Variants in GRM3 observed in about 807,000 individuals in gnomAD.
GRM3 encodes the protein glutamate metabotropic receptor 3, also known as metabotropic glutamate receptor 3.
GRM3 carries 26 observed loss-of-function variants against 70.5 expected under a neutral mutation model. The observed-to-expected ratio is 0.37, with a 90% CI of 0.27 to 0.51. The LOEUF is 0.51. GRM3 is among the 20% of genes least tolerant of loss of function. The probability of loss-of-function intolerance (pLI) is 0.93; values close to 1 mark genes in which losing one functional copy is unlikely to be tolerated. For missense variants in GRM3, 859 were observed against 1,123.8 expected (o/e 0.76, Z 3.37); for synonymous variants, 443 against 434.9 (o/e 1.02, Z -0.23).
At chr7:86,779,260 A>G (rs1050758421) in intron 2 of GRM3, among the ~76,000 whole-genome samples, 1 of 152,184 alleles carries the variant, frequency 6.6e-6, no homozygotes, top group African/African-American at 2.4e-5. Context: ...GTCTAAATCA[A>G]TTCCTTGTCT....
chr7:86,685,532 T>A (rs1275086890), intron 1 of GRM3, among the ~76,000 whole-genome samples: 1 of 152,186 alleles, frequency 6.6e-6, no homozygotes, highest in Non-Finnish European at 1.5e-5. Context: ...TGATGTCACC[T>A]TAGTGTCAGA....
chr7:86,753,297 A>G (rs1226995194), intron 1 of GRM3, among the ~76,000 whole-genome samples: 3 of 152,184 alleles, frequency 2.0e-5, no homozygotes, highest in Non-Finnish European at 4.4e-5. Flanking sequence ...CTAAAAAAAC[A>G]TGAAATAGGT....
intron 1 of GRM3, among the ~76,000 whole-genome samples, chr7:86,685,618 A>G (rs1013953207): frequency 6.6e-6 from 1 of 152,172 alleles, no homozygotes; most frequent in Non-Finnish European, 1.5e-5. Context: ...ATAAAGGTAT[A>G]AATGGGGGCC....
At chr7:86,672,066 C>A (rs1051287961) in intron 1 of GRM3, among the ~76,000 whole-genome samples, 1 of 152,126 alleles carries the variant, frequency 6.6e-6, no homozygotes, top group African/African-American at 2.4e-5. Context: ...TTTTTTTCCA[C>A]TCCTGGATAA....
At chr7:86,646,073 A>G (rs1793465863) in intron 1 of GRM3, among the ~76,000 whole-genome samples, 1 of 148,766 alleles carries the variant, frequency 6.7e-6, no homozygotes, top group Non-Finnish European at 1.5e-5. Flanking sequence ...ACACTTTAAG[A>G]TTCCTCTCTG....
chr7:86,710,206 G>A (rs931251127), intron 1 of GRM3: 1 of 151,892 alleles, frequency 6.6e-6, no homozygotes, highest in Admixed American at 6.6e-5. Context: ...AATTAAAAAT[G>A]TAAGTAATAT....
At chr7:86,808,380 C>CT (rs1379544430) in intron 3 of GRM3, among the ~76,000 whole-genome samples, 2 of 151,740 alleles carry the variant, frequency 1.3e-5, no homozygotes, top group Admixed American at 6.6e-5. Flanking sequence ...TGGTCCTGGA[C>CT]TTTTTTTTGG....
chr7:86,766,248 T>G (rs1254900460), intron 2 of GRM3, among the ~76,000 whole-genome samples: 5 of 152,112 alleles, frequency 3.3e-5, no homozygotes, highest in African/African-American at 1.2e-4. Flanking sequence ...CAGGAAGGCA[T>G]AATGTCATGG....
chr7:86,748,130 T>C (rs966060324), intron 1 of GRM3, among the ~76,000 whole-genome samples: 13 of 152,080 alleles, frequency 8.5e-5, no homozygotes, highest in African/African-American at 3.1e-4. Context: ...ATTTCGCTTT[T>C]TGCTTTTGTT....
intron 1 of GRM3, among the ~76,000 whole-genome samples, chr7:86,691,434 T>C (rs1252123070): frequency 6.6e-6 from 1 of 152,118 alleles, no homozygotes; most frequent in Non-Finnish European, 1.5e-5. Context: ...ATGTCAAAAA[T>C]GTTTAACTCA....
intron 2 of GRM3, among the ~76,000 whole-genome samples, chr7:86,773,012 T>A (rs1240447433): frequency 2.6e-5 from 4 of 152,056 alleles, no homozygotes; most frequent in Non-Finnish European, 4.4e-5. Flanking sequence ...CAACGTTTAT[T>A]TTTGATTCAA....
At chr7:86,857,799 A>T (rs1412604185) in intron 5 of GRM3, among the ~76,000 whole-genome samples, 1 of 152,180 alleles carries the variant, frequency 6.6e-6, no homozygotes, top group African/African-American at 2.4e-5. Flanking sequence ...TTGGGCAACT[A>T]AGAGAGTGAA....
intron 1 of GRM3, among the ~76,000 whole-genome samples, chr7:86,723,557 T>TA (rs1019671031): frequency 6.6e-6 from 1 of 152,168 alleles, no homozygotes; most frequent in African/African-American, 2.4e-5. Context: ...AATGATTTTT[T>TA]ACCAAACGAG....
chr7:86,703,413 T>C (rs768225537), intron 1 of GRM3, among the ~76,000 whole-genome samples: 6 of 152,046 alleles, frequency 3.9e-5, no homozygotes, highest in Admixed American at 2.6e-4. Context: ...TGAAATTCAA[T>C]CTCAGATAAG....
rs1797270690 is a variant in GRM3 at position 86,787,070 on chromosome 7, T to C, written c.1278T>C (p.Asp426=). 6.2e-7 allele frequency: 1 copy of C among 1,611,920 alleles called. No individual in the cohort carries two copies. ...TTTGTGATGCTATGAAGATCCTGGA[T>C]GGGAAGAAGTTGTACAAGGATTACT... ...TKLCDAMKIL[D]GKKLYKDYLL... is the part of the protein sequence containing the mutation. The change falls in exon 3 of 6, where the codon GAT becomes GAC. Residue 426 remains aspartate, a synonymous_variant. Coordinates refer to ENST00000361669, the MANE Select transcript of GRM3 (RefSeq NM_000840.3).
intron 2 of GRM3, among the ~76,000 whole-genome samples, chr7:86,781,737 C>CT (rs1314470859): frequency 1.3e-5 from 2 of 151,994 alleles, no homozygotes; most frequent in Non-Finnish European, 2.9e-5. Flanking sequence ...CTTATTTATG[C>CT]TTTTTTCAAT....
At chr7:86,732,977 T>G (rs768686696) in intron 1 of GRM3, among the ~76,000 whole-genome samples, 9 of 151,860 alleles carry the variant, frequency 5.9e-5, no homozygotes, top group Non-Finnish European at 7.4e-5. Flanking sequence ...AAGCGCTATA[T>G]ATAAACAGAG....
intron 1 of GRM3, among the ~76,000 whole-genome samples, chr7:86,718,763 A>G (rs973119420): frequency 6.6e-6 from 1 of 151,960 alleles, no homozygotes; most frequent in African/African-American, 2.4e-5. Context: ...CAACCCCTCA[A>G]AACCTTGGCA....
intron 3 of GRM3, among the ~76,000 whole-genome samples, chr7:86,795,764 T>C (rs527741326): frequency 6.6e-6 from 1 of 152,354 alleles, no homozygotes; most frequent in East Asian, 1.9e-4. Context: ...ATATACCCAG[T>C]AATGAGATTG....
Sources: gnomAD v4.1 joint callset for allele counts (sites outside exome capture counted in the v4.1 genomes callset) on GRCh38, gnomAD v4.1.1 for gene constraint, MANE v1.5 for transcripts, NCBI Gene and HGNC (gene_info 2026-07-23, HGNC 2026-07-21) for gene names.